ITFG1: variants seen among roughly 807,000 people sequenced by gnomAD.
The protein encoded by ITFG1 is integrin alpha FG-GAP repeat containing 1.
ITFG1 carries 34 observed loss-of-function variants against 81.8 expected under a neutral mutation model. The observed-to-expected ratio is 0.42, with a 90% CI of 0.32 to 0.55. The LOEUF (loss-of-function observed/expected upper bound fraction) is 0.55. ITFG1 is among the 20% of genes least tolerant of loss of function. The pLI is 0.17. For missense variants in ITFG1, 672 were observed against 755.4 expected (o/e 0.89, Z 1.29); for synonymous variants, 285 against 270.6 (o/e 1.05, Z -0.52).
At chr16:47,324,361 G>T (rs992390139) in intron 8 of ITFG1, among the ~76,000 whole-genome samples, 6 of 151,870 alleles carry the variant, frequency 4.0e-5, no homozygotes, top group Non-Finnish European at 8.8e-5. Context: ...AGGAACAACT[G>T]GTACCAGCCA....
intron 5 of ITFG1, among the ~76,000 whole-genome samples, chr16:47,429,329 G>A (rs1969064426): frequency 6.6e-6 from 1 of 152,060 alleles, no homozygotes; most frequent in African/African-American, 2.4e-5. Flanking sequence ...CCATTGTATG[G>A]GTTTACATTT....
At chr16:47,259,574 G>A (rs896345958) in intron 11 of ITFG1, among the ~76,000 whole-genome samples, 49 of 152,240 alleles carry the variant, frequency 3.2e-4, no homozygotes, top group African/African-American at 1.2e-3. Context: ...TTGAGAATAA[G>A]TCTCTTATAA....
Position 47,288,618 on chromosome 16 carries a change from T to A in ITFG1, c.1070+22622A>T, listed in dbSNP as rs147346981. The stretch of plus-strand genomic sequence containing the variant: ...TCAACAGCATTTACTTTTGGTTTTC[T>A]TTTTTTTTTGAGACAAAGTCTCGCT... On this transcript the variant is annotated intron_variant, in intron 10 of 17. Transcript: ENST00000320640. Among the ~76,000 whole-genome samples, 924 of 148,126 alleles carry A rather than the reference T, an allele frequency of 6.2e-3. 12 individuals are homozygous for A. The highest frequency in any genetic ancestry group is 0.021 in the African/African-American group (853 of 40,850).
chr16:47,373,847 G>GT (rs1301390001), intron 7 of ITFG1, among the ~76,000 whole-genome samples: 2 of 152,084 alleles, frequency 1.3e-5, no homozygotes, highest in East Asian at 1.9e-4. Flanking sequence ...AGGTTTTGAG[G>GT]TTTTTTTGGC....
intron 10 of ITFG1, among the ~76,000 whole-genome samples, chr16:47,302,509 T>TC (rs1348855837): frequency 1.3e-5 from 2 of 152,050 alleles, no homozygotes; most frequent in African/African-American, 4.8e-5. Flanking sequence ...CTGCCTGGGC[T>TC]CCCACTTTGG....
intron 5 of ITFG1, among the ~76,000 whole-genome samples, chr16:47,447,794 G>T (rs1309638607): frequency 6.6e-6 from 1 of 152,072 alleles, no homozygotes; most frequent in African/African-American, 2.4e-5. Flanking sequence ...ACTTTGAAAA[G>T]AAAAAGGTTA....
intron 10 of ITFG1, among the ~76,000 whole-genome samples, chr16:47,300,321 C>T (rs1029051557): frequency 6.6e-6 from 1 of 152,172 alleles, no homozygotes; most frequent in Non-Finnish European, 1.5e-5. Context: ...TGCTATTTTG[C>T]TCTTTGAAGT....
intron 8 of ITFG1, among the ~76,000 whole-genome samples, chr16:47,325,798 C>G (rs1967529663): frequency 6.6e-6 from 1 of 152,162 alleles, no homozygotes; most frequent in South Asian, 2.1e-4. Context: ...TCTGAATAGA[C>G]CAATAACAGG....
intron 5 of ITFG1, among the ~76,000 whole-genome samples, chr16:47,430,001 G>T (rs890347977): frequency 1.3e-5 from 2 of 151,012 alleles, no homozygotes; most frequent in East Asian, 3.9e-4. Context: ...CTGGGCATTA[G>T]GCCTTTATCT....
intron 12 of ITFG1, among the ~76,000 whole-genome samples, chr16:47,251,208 A>G (rs556601263): frequency 4.1e-4 from 62 of 152,350 alleles, no homozygotes; most frequent in African/African-American, 1.5e-3. Context: ...TTGAGGCCAC[A>G]GGAGTAAGTC....
chr16:47,160,377 CTTT>C (rs551394030), intron 16 of ITFG1, among the ~76,000 whole-genome samples: 2 of 151,682 alleles, frequency 1.3e-5, no homozygotes, highest in Non-Finnish European at 2.9e-5. Flanking sequence ...GCTGTTGCTT[CTTT>C]TGTTTGTTGT....
At chr16:47,293,234 TA>T (rs1966935480) in intron 10 of ITFG1, among the ~76,000 whole-genome samples, 1 of 134,704 alleles carries the variant, frequency 7.4e-6, no homozygotes, top group Admixed American at 7.1e-5. Flanking sequence ...GTGATATATA[TA>T]TTTTCTGTAT....
chr16:47,218,695 T>G lies in ITFG1; in HGVS notation c.1453+173A>C. On this transcript the variant is annotated intron_variant, in intron 14 of 17. Transcript: ENST00000320640. ...TGAAGAATTGAAAGTGAACATTTTT[T>G]GTCATAAGAACCTTTTATAATCTAC... 2 of 370,252 alleles carry G rather than the reference T, an allele frequency of 5.4e-6. 1 individual carries two copies. Among genetic ancestry groups the G allele is most frequent in the Non-Finnish European group, 9.6e-6 (2 of 208,290 alleles). 22.9% of individuals were successfully genotyped at this position (370,252 alleles called of 1,614,324 possible). A position where few individuals can be genotyped will look rare whatever the true frequency, so the allele number is the denominator to read the frequency against.
chr16:47,404,714 A>AC (rs1460977504), intron 6 of ITFG1, among the ~76,000 whole-genome samples: 1 of 151,500 alleles, frequency 6.6e-6, no homozygotes. Context: ...CTTTTCTGAA[A>AC]TTTTTTTTTG....
At chr16:47,327,756 C>T (rs1967573061) in intron 8 of ITFG1, among the ~76,000 whole-genome samples, 1 of 152,118 alleles carries the variant, frequency 6.6e-6, no homozygotes, top group Admixed American at 6.6e-5. Context: ...CAGAGAAATG[C>T]AAATCAAAAC....
At chr16:47,194,054 T>C (rs1965325722) in intron 14 of ITFG1, among the ~76,000 whole-genome samples, 1 of 152,194 alleles carries the variant, frequency 6.6e-6, no homozygotes, top group South Asian at 2.1e-4. Flanking sequence ...ATTTTTCTTT[T>C]TTGATTGTTA....
intron 12 of ITFG1, among the ~76,000 whole-genome samples, chr16:47,254,874 A>G (rs920559923): frequency 6.6e-6 from 1 of 152,126 alleles, no homozygotes; most frequent in Non-Finnish European, 1.5e-5. Context: ...TAGTTCCTTT[A>G]AAGTACACTG....
intron 8 of ITFG1, among the ~76,000 whole-genome samples, chr16:47,320,963 G>GA (rs996286962): frequency 6.6e-6 from 1 of 151,936 alleles, no homozygotes; most frequent in African/African-American, 2.4e-5. Flanking sequence ...CATAGATGGT[G>GA]AAAAAAAATT....
At chr16:47,412,652 C>A (rs147916835) in intron 6 of ITFG1, among the ~76,000 whole-genome samples, 118 of 149,118 alleles carry the variant, frequency 7.9e-4, no homozygotes, top group African/African-American at 2.7e-3. Context: ...CCAAGATTTG[C>A]GCCACTGCAC....
Sources: gnomAD v4.1 joint callset for allele counts (sites outside exome capture counted in the v4.1 genomes callset) on GRCh38, gnomAD v4.1.1 for gene constraint, MANE v1.5 for transcripts, NCBI Gene and HGNC (gene_info 2026-07-23, HGNC 2026-07-21) for gene names.